Variants in URI1 observed in about 807,000 individuals in gnomAD.
The protein encoded by URI1 is URI1 prefoldin like chaperone.
A neutral mutation model predicts 60.2 loss-of-function variants in URI1; 39 were observed. The observed-to-expected ratio is 0.65, with a 90% CI of 0.50 to 0.85. URI1 has a LOEUF of 0.85. Among genes scored for constraint, URI1 ranks in the 40% least tolerant of loss-of-function variants. The probability of loss-of-function intolerance (pLI) is 0.00; values close to 1 mark genes in which losing one functional copy is unlikely to be tolerated. For synonymous variants in URI1, 251 were observed against 236.8 expected (o/e 1.06, Z -0.55); for missense variants, 691 against 665.9 (o/e 1.04, Z -0.42).
chr19:30,010,433 G>T (rs535704462), intron 8 of URI1, among the ~76,000 whole-genome samples: 1 of 152,230 alleles, frequency 6.6e-6, no homozygotes, highest in Admixed American at 6.5e-5. Flanking sequence ...AAAAAAGGTC[G>T]CTTTTTAATC....
intron 1 of URI1, among the ~76,000 whole-genome samples, chr19:29,968,792 C>CA (rs1301312947): frequency 4.0e-5 from 6 of 151,498 alleles, no homozygotes; most frequent in African/African-American, 1.5e-4. Context: ...AGGATGGTCT[C>CA]GATCTCCTGA....
chr19:29,963,418 GTTGT>G (rs1328547040), intron 1 of URI1, among the ~76,000 whole-genome samples: 64 of 152,104 alleles, frequency 4.2e-4, no homozygotes, highest in African/African-American at 1.5e-3. Context: ...TGGTTCTTCA[GTTGT>G]ACAATTTTCA....
chr19:29,952,803 T>G (rs1363545098), intron 1 of URI1, among the ~76,000 whole-genome samples: 3 of 152,206 alleles, frequency 2.0e-5, no homozygotes, highest in African/African-American at 7.2e-5. Context: ...CCATCACTAT[T>G]CTTTCTAAAA....
Position 30,012,542 on chromosome 19 carries a change from G to GT in URI1, c.1425+12dup, listed in dbSNP as rs768647102. ...TCAGTAACACCTGAGGTGTGTGTGTGTATCTTTTAATTCTTTATTTCATAT... is the reference window on the plus strand; with the variant it reads ...TCAGTAACACCTGAGGTGTGTGTGTGTTATCTTTTAATTCTTTATTTCATAT... On this transcript the variant is annotated intron_variant, in intron 10 of 10. Coordinates refer to ENST00000392271, the MANE Select transcript of URI1 (RefSeq NM_003796.3). The GT allele has an allele frequency of 6.2e-7, 1 of 1,610,570 alleles. No homozygotes were observed. The highest frequency in any genetic ancestry group is 1.7e-5 in the Admixed American group (1 of 59,530).
At chr19:29,992,750 T>C (rs1654797930) in intron 4 of URI1, among the ~76,000 whole-genome samples, 1 of 152,242 alleles carries the variant, frequency 6.6e-6, no homozygotes, top group African/African-American at 2.4e-5. Flanking sequence ...TCAATGAGAC[T>C]AAGTGAAAAG....
chr19:29,937,863 T>C (rs909750120), upstream of URI1: 11 of 152,188 alleles, frequency 7.2e-5, no homozygotes, highest in African/African-American at 2.7e-4. Flanking sequence ...AGGAAAGCTA[T>C]TCCTGCAGCC....
intron 7 of URI1, among the ~76,000 whole-genome samples, chr19:30,008,265 A>G (rs1045596547): frequency 9.9e-5 from 15 of 152,158 alleles, no homozygotes; most frequent in African/African-American, 3.6e-4. Context: ...TAAATGATGT[A>G]CCATATGCAA....
chr19:29,981,948 G>A lies in URI1; in HGVS notation c.153-3275G>A, dbSNP rs1181098589. 2.6e-5 allele frequency among the ~76,000 whole-genome samples: 4 copies of A among 152,096 alleles called. 1 individual carries two copies. The highest frequency in any genetic ancestry group is 4.1e-4 in the South Asian group (2 of 4,830). ...AACCTCAGTAATGCATTAGTTCTTA[G>A]CATAACTTTTGCATTTTCTGTTGCA... On this transcript the variant is annotated intron_variant, in intron 2 of 10. Coordinates refer to ENST00000392271, the MANE Select transcript of URI1 (RefSeq NM_003796.3).
At chr19:30,007,064 G>T (rs2055952561) in intron 6 of URI1, among the ~76,000 whole-genome samples, 1 of 152,104 alleles carries the variant, frequency 6.6e-6, no homozygotes, top group African/African-American at 2.4e-5. Context: ...AGTAAGGATG[G>T]TAAATGGAAA....
At chr19:29,964,615 A>G (rs190808281) in intron 1 of URI1, among the ~76,000 whole-genome samples, 3 of 150,618 alleles carry the variant, frequency 2.0e-5, no homozygotes, top group Non-Finnish European at 4.4e-5. Context: ...CGCCTGCCAC[A>G]ACGCCTGGCC....
At chr19:29,992,880 T>C (rs1014282249) in intron 4 of URI1, among the ~76,000 whole-genome samples, 7 of 152,238 alleles carry the variant, frequency 4.6e-5, no homozygotes, top group African/African-American at 1.7e-4. Flanking sequence ...TTCTAGTATC[T>C]AGGCACCATG....
chr19:30,014,888 C>T lies in URI1; in HGVS notation c.1427C>T (p.Ala476Val). 1.2e-6 allele frequency: 2 copies of T among 1,608,546 alleles called. No homozygotes were observed. Among genetic ancestry groups the T allele is most frequent in the Non-Finnish European group, 1.7e-6 (2 of 1,177,354 alleles). ...CATAACCTGACTTTTGTTTTCTAGG[C>T]TTTTTCTGGAACTGTTATAGAAAAA... ...KLLPLSVTPEAFSGTVIEKEF... is the reference protein window; with the variant it reads ...KLLPLSVTPEVFSGTVIEKEF... The change falls in exon 11 of 11, where the codon GCT becomes GTT. Residue 476 changes from alanine to valine, a missense_variant and splice_region_variant. Physicochemically the swap from Ala to Val is moderately conservative, Grantham distance 64 (BLOSUM62 0). Coordinates refer to ENST00000392271, the MANE Select transcript of URI1 (RefSeq NM_003796.3).
chr19:30,005,007 T>TA (rs2055922532), intron 4 of URI1, among the ~76,000 whole-genome samples: 1 of 152,036 alleles, frequency 6.6e-6, no homozygotes, highest in African/African-American at 2.4e-5. Flanking sequence ...GGACAAAAAT[T>TA]ACCTGTGCAA....
rs1284531509 is a variant in URI1 at position 29,942,338 on chromosome 19, G to GGGCGGC, written c.-201_-196dup. On this transcript the variant is annotated 5_prime_UTR_variant, in exon 1 of 11. Transcript: ENST00000392271. ...GGCCTGCTACTCGGAGCCCGCTGCG[G>GGGCGGC]GGCGGCGGCGGCGGGGACATGCACG... The GGGCGGC allele has an allele frequency of 1.0e-6, 1 of 984,956 alleles. No homozygotes were observed. Among genetic ancestry groups the GGGCGGC allele is most frequent in the Non-Finnish European group, 1.2e-6 (1 of 829,626 alleles). 61.0% of individuals were successfully genotyped at this position (984,956 alleles called of 1,614,324 possible).
Position 29,948,418 on chromosome 19 carries a change from G to C in URI1, c.117+5754G>C, listed in dbSNP as rs74549691. Among the ~76,000 whole-genome samples, 411 of 152,248 alleles carry C rather than the reference G, an allele frequency of 2.7e-3. 5 individuals are homozygous for C. The highest frequency in any genetic ancestry group is 5.1e-3 in the Non-Finnish European group (350 of 68,010). ...GGAAATTTCCTTATATTCCAAGTTT[G>C]CTATGAGTTTTTATGAGTGGGTGTT... On this transcript the variant is annotated intron_variant, in intron 1 of 10. Coordinates refer to ENST00000392271, the MANE Select transcript of URI1 (RefSeq NM_003796.3).
chr19:29,971,150 A>T, intron 1 of URI1, 43 bp from the exon 2 acceptor site: 1 of 1,602,706 alleles, frequency 6.2e-7, no homozygotes, highest in Non-Finnish European at 8.5e-7. Flanking sequence ...AGCTCTGTGC[A>T]TAGCTCTGTT....
At chr19:29,969,277 A>T (rs148284765) in intron 1 of URI1, among the ~76,000 whole-genome samples, 1 of 152,316 alleles carries the variant, frequency 6.6e-6, no homozygotes, top group East Asian at 1.9e-4. Context: ...TGTTTAAGGG[A>T]AGTAAAAGGA....
intron 4 of URI1, among the ~76,000 whole-genome samples, chr19:29,986,942 C>T (rs1479410560): frequency 1.3e-5 from 2 of 152,130 alleles, no homozygotes; most frequent in Non-Finnish European, 2.9e-5. Flanking sequence ...GCACCCTTAT[C>T]CTTTTTCAGT....
intron 8 of URI1, among the ~76,000 whole-genome samples, chr19:30,010,365 G>C (rs930441316): frequency 6.6e-6 from 1 of 152,196 alleles, no homozygotes; most frequent in African/African-American, 2.4e-5. Flanking sequence ...TAATATGTCA[G>C]ACTGAAGGGG....
Sources: allele counts gnomAD v4.1 joint callset (sites outside exome capture counted in the v4.1 genomes callset), GRCh38; gene constraint gnomAD v4.1.1; transcripts MANE v1.5; gene names NCBI Gene and HGNC (gene_info 2026-07-23, HGNC 2026-07-21).